MINDY4: variants seen among roughly 807,000 people sequenced by gnomAD.
The protein encoded by MINDY4 is MINDY lysine 48 deubiquitinase 4, also known as probable ubiquitin carboxyl-terminal hydrolase MINDY-4.
Under a neutral mutation model 87.0 loss-of-function variants are expected in MINDY4, and 68 were observed. The ratio of observed to expected loss-of-function variants is 0.78; its 90% confidence interval spans 0.64 to 0.96. The LOEUF is 0.96. MINDY4 is among the 40% of genes least tolerant of loss of function. The probability of loss-of-function intolerance (pLI) is 0.00; values close to 1 mark genes in which losing one functional copy is unlikely to be tolerated. For missense variants in MINDY4, 919 were observed against 928.2 expected, an observed-to-expected ratio of 0.99 and a Z score of 0.13; for synonymous variants, 379 against 363.2, an observed-to-expected ratio of 1.04 and a Z score of -0.50.
intron 5 of MINDY4, among the ~76,000 whole-genome samples, chr7:30,822,216 C>T (rs1788356112): frequency 6.6e-6 from 1 of 151,748 alleles, no homozygotes; most frequent in Admixed American, 6.6e-5. Flanking sequence ...CTTGCTCTGA[C>T]ACCCAGACTG....
intron 13 of MINDY4, among the ~76,000 whole-genome samples, chr7:30,870,855 G>T (rs1790081096): frequency 6.6e-6 from 1 of 152,234 alleles, no homozygotes; most frequent in Non-Finnish European, 1.5e-5. Flanking sequence ...TCTCTTTGGG[G>T]TGTGGTTGAA....
At chr7:30,847,130 G>A (rs760742997) in intron 9 of MINDY4, among the ~76,000 whole-genome samples, 19 of 152,192 alleles carry the variant, frequency 1.2e-4, no homozygotes, top group African/African-American at 4.3e-4. Context: ...GGAGGGCAAC[G>A]GTTTTACCAG....
chr7:30,842,572 A>T (rs1240945787), intron 9 of MINDY4, among the ~76,000 whole-genome samples: 1 of 152,204 alleles, frequency 6.6e-6, no homozygotes, highest in Non-Finnish European at 1.5e-5. Context: ...CTCAGCAGGG[A>T]TACAGGGCTG....
At chr7:30,891,864 C>A (rs1790803699) in intron 17 of MINDY4, 93 bp from the exon 18 acceptor site, 1 of 1,328,120 alleles carries the variant, frequency 7.5e-7, no homozygotes, top group Non-Finnish European at 1.1e-6. Flanking sequence ...GCCTCCAAGA[C>A]AAAACCTTCA....
chr7:30,853,200 G>A (rs17782211), intron 11 of MINDY4, among the ~76,000 whole-genome samples, 194 bp from the exon 12 acceptor site: 4,116 of 152,332 alleles, frequency 0.027, 80 homozygotes, highest in Non-Finnish European at 0.041. Context: ...GACTCCAGCG[G>A]TACCGGCCAG....
chr7:30,809,882 G>A (rs1017687657), intron 5 of MINDY4, among the ~76,000 whole-genome samples: 1 of 152,026 alleles, frequency 6.6e-6, no homozygotes, highest in African/African-American at 2.4e-5. Context: ...GTAGTCTAAA[G>A]AAAGAAATGT....
At chr7:30,875,353 TCA>T (rs1447682677) in intron 14 of MINDY4, 140 bp from the exon 15 acceptor site, 1 of 933,804 alleles carries the variant, frequency 1.1e-6, no homozygotes, top group Admixed American at 1.8e-5. Context: ...AGAATTGAAG[TCA>T]CAGCCTCCTC....
At position 30,853,410 on chromosome 7, in the gene MINDY4, T is replaced by A; in HGVS notation, c.1628T>A (p.Leu543Ter). Residue 543 changes from leucine to a stop codon, truncating the protein, a stop_gained, in exon 12 of 18, where the codon TTG becomes TAG. Transcript: ENST00000265299. LOFTEE classifies it high-confidence loss of function. ...GVLETLTLHS[L>*]TCYEDLVTFL... ...TCTTCTCAGCTTACGCTTCACAGTT[T>A]GACCTGCTATGAGGACCTGGTGACT... 3 of 1,613,782 alleles carry A rather than the reference T, an allele frequency of 1.9e-6. No individual in the cohort carries two copies. Among genetic ancestry groups the A allele is most frequent in the Non-Finnish European group, 2.5e-6 (3 of 1,179,860 alleles).
At chr7:30,777,056 A>G (rs1786846505) in intron 1 of MINDY4, among the ~76,000 whole-genome samples, 1 of 141,346 alleles carries the variant, frequency 7.1e-6, no homozygotes, top group Non-Finnish European at 1.5e-5. Flanking sequence ...TTCATCCAGG[A>G]TGGAGTGCAG....
At chr7:30,875,439 C>T in intron 14 of MINDY4, 56 bp from the exon 15 acceptor site, 1 of 1,593,574 alleles carries the variant, frequency 6.3e-7, no homozygotes, top group South Asian at 1.1e-5. Context: ...CTCCTCTCCA[C>T]TCTTTCAGTA....
At chr7:30,846,178 C>CCCCAGG (rs1322300883) in intron 9 of MINDY4, among the ~76,000 whole-genome samples, 1 of 152,152 alleles carries the variant, frequency 6.6e-6, no homozygotes, top group African/African-American at 2.4e-5. Context: ...GGTCCTGCAG[C>CCCCAGG]CCCAGGCCAG....
At chr7:30,771,584 G>A in intron 1 of MINDY4, 28 bp downstream of exon 1, 1 of 1,571,628 alleles carries the variant, frequency 6.4e-7, no homozygotes, top group Non-Finnish European at 8.6e-7. Context: ...CCAAAGCCCA[G>A]GAAGTGGCTC....
At position 30,852,193 on chromosome 7, in the gene MINDY4, A is replaced by C. The variant is rs752604478; in HGVS notation, c.1548-23A>C. Reference sequence around the variant, plus strand: ...CGCCTTCTCTCCACTCAGAGGACTCATGCACCTTCCTTTCCTTTTTAGGGC... The same window carrying C: ...CGCCTTCTCTCCACTCAGAGGACTCCTGCACCTTCCTTTCCTTTTTAGGGC... On this transcript the variant is annotated intron_variant, in intron 10 of 17. Transcript: ENST00000265299. 14 of 1,613,938 alleles carry C rather than the reference A, an allele frequency of 8.7e-6. No homozygotes were observed. In the Admixed American group the frequency reaches 2.3e-4, roughly 27 times the overall value.
At chr7:30,886,883 A>G (rs1468556319) in intron 17 of MINDY4, among the ~76,000 whole-genome samples, 2 of 152,170 alleles carry the variant, frequency 1.3e-5, no homozygotes, top group Admixed American at 6.5e-5. Context: ...GCAAAAAAAC[A>G]GGCTAATTTA....
chr7:30,797,369 A>T (rs1787520782), intron 5 of MINDY4, among the ~76,000 whole-genome samples: 2 of 152,250 alleles, frequency 1.3e-5, no homozygotes, highest in South Asian at 2.1e-4. Flanking sequence ...TGGAAGAGTG[A>T]CAGGGAGCCC....
intron 15 of MINDY4, among the ~76,000 whole-genome samples, chr7:30,880,722 T>C (rs1259801691): frequency 6.6e-6 from 1 of 151,930 alleles, no homozygotes; most frequent in Non-Finnish European, 1.5e-5. Flanking sequence ...GACATCTAAT[T>C]CCCCCACACT....
At chr7:30,890,095 A>G (rs755626172) in intron 17 of MINDY4, among the ~76,000 whole-genome samples, 1 of 152,244 alleles carries the variant, frequency 6.6e-6, no homozygotes, top group Non-Finnish European at 1.5e-5. Context: ...AACATCACCA[A>G]ATGACACGGA....
intron 17 of MINDY4, among the ~76,000 whole-genome samples, chr7:30,886,027 T>C (rs1386914190): frequency 6.6e-6 from 1 of 152,142 alleles, no homozygotes; most frequent in Non-Finnish European, 1.5e-5. Context: ...AACAGCAGGC[T>C]TAGGGGTAAG....
intron 2 of MINDY4, 114 bp downstream of exon 2, chr7:30,778,665 A>C: frequency 7.8e-7 from 1 of 1,277,558 alleles, no homozygotes; most frequent in Non-Finnish European, 1.1e-6. Flanking sequence ...GGCCTGTCAC[A>C]CTTGCGGTCA....
Sources: allele counts gnomAD v4.1 joint callset (sites outside exome capture counted in the v4.1 genomes callset), GRCh38; gene constraint gnomAD v4.1.1; transcripts MANE v1.5; gene names NCBI Gene and HGNC (gene_info 2026-07-23, HGNC 2026-07-21).